Variants in FRMPD4 observed in about 807,000 individuals in gnomAD.
The protein encoded by FRMPD4 is FERM and PDZ domain-containing protein 4.
A neutral mutation model predicts 94.1 loss-of-function variants in FRMPD4; 22 were observed. The ratio of observed to expected loss-of-function variants is 0.23; its 90% CI spans 0.17 to 0.33. FRMPD4 has a LOEUF of 0.33. FRMPD4 is among the 10% of genes least tolerant of loss of function. The pLI is 1.00. For missense variants in FRMPD4, 1,111 were observed against 1,339.9 expected, an observed-to-expected ratio of 0.83 and a Z score of 2.67; for synonymous variants, 631 against 548.6, an observed-to-expected ratio of 1.15 and a Z score of -2.10.
intron 9 of FRMPD4, among the ~76,000 whole-genome samples, chrX:12,695,892 A>T (rs762734692): frequency 1.8e-5 from 2 of 109,483 alleles, no homozygotes; most frequent in Non-Finnish European, 3.8e-5. Context: ...ATGCACCACT[A>T]CTCCAGGCTA....
intron 1 of FRMPD4, among the ~76,000 whole-genome samples, chrX:12,451,389 G>T (rs2057269030): frequency 9.0e-6 from 1 of 111,646 alleles, no homozygotes; most frequent in Non-Finnish European, 1.9e-5. Context: ...TCTTTCATGG[G>T]TTTTCTAATT....
chrX:11,827,592 C>T (rs1413282261), intron 1 of FRMPD4, among the ~76,000 whole-genome samples: 2 of 111,235 alleles, frequency 1.8e-5, no homozygotes, highest in African/African-American at 6.5e-5. Flanking sequence ...TTTGTCTGTT[C>T]GTACTTCCAA....
chrX:12,524,422 C>A (rs956146365), intron 2 of FRMPD4, among the ~76,000 whole-genome samples: 1 of 111,544 alleles, frequency 9.0e-6, no homozygotes, highest in South Asian at 3.8e-4. Flanking sequence ...AAAACAATGG[C>A]CTCCTATAAT....
intron 1 of FRMPD4, among the ~76,000 whole-genome samples, chrX:12,296,718 C>T (rs1346074092): frequency 8.9e-6 from 1 of 112,498 alleles, no homozygotes; most frequent in East Asian, 2.8e-4. Flanking sequence ...AGGGAACTTC[C>T]CTTCGGCTCC....
chrX:12,230,391 A>T (rs1218088085), intron 1 of FRMPD4, among the ~76,000 whole-genome samples: 1 of 111,631 alleles, frequency 9.0e-6, no homozygotes, highest in Non-Finnish European at 1.9e-5. Flanking sequence ...GACCAAATTG[A>T]TAGAGACTGC....
At chrX:12,364,753 C>T (rs1038472836) in intron 1 of FRMPD4, among the ~76,000 whole-genome samples, 3 of 111,181 alleles carry the variant, frequency 2.7e-5, no homozygotes, top group Admixed American at 1.9e-4. Flanking sequence ...TAAATATGCA[C>T]CCCGTCATGT....
At chrX:12,495,932 G>A (rs1271137236) in intron 1 of FRMPD4, among the ~76,000 whole-genome samples, 1 of 110,966 alleles carries the variant, frequency 9.0e-6, no homozygotes, top group African/African-American at 3.3e-5. Flanking sequence ...GCATCACACT[G>A]GAAACCACTG....
intron 1 of FRMPD4, among the ~76,000 whole-genome samples, chrX:12,307,825 C>T (rs777062482): frequency 8.1e-5 from 9 of 111,627 alleles, no homozygotes; most frequent in Non-Finnish European, 1.7e-4. Flanking sequence ...AGACAAATGT[C>T]ACACAGCACA....
chrX:12,312,578 T>C (rs1391750508), intron 1 of FRMPD4, among the ~76,000 whole-genome samples: 1 of 111,222 alleles, frequency 9.0e-6, no homozygotes, highest in Non-Finnish European at 1.9e-5. Context: ...TACTTTCCTG[T>C]TCTTTGTAGA....
At chrX:12,640,216 T>C (rs1602247543) in intron 4 of FRMPD4, among the ~76,000 whole-genome samples, 1 of 101,809 alleles carries the variant, frequency 9.8e-6, no homozygotes, top group African/African-American at 3.7e-5. Context: ...CGAGAATTGC[T>C]TGAACCCAGG....
intron 3 of FRMPD4, among the ~76,000 whole-genome samples, chrX:12,097,705 G>C (rs1395508453): frequency 2.7e-5 from 3 of 112,351 alleles, no homozygotes; most frequent in Non-Finnish European, 5.6e-5. Context: ...TTCTTTCACT[G>C]AGCATAACAT....
Position 12,343,536 on chromosome X carries a change from GAA to G in FRMPD4, c.42-155143_42-155142del, listed in dbSNP as rs754357259. ...GGGATGTCTAGAGGGGAAGAGAAAT[GAA>G]GAGAAGAGAGCTGATGAAAAACCAC... On this transcript the variant is annotated intron_variant, in intron 1 of 16. Transcript: ENST00000675598. Among the ~76,000 whole-genome samples the G allele has an allele frequency of 2.4e-3, 266 of 111,570 alleles. 1 individual carries two copies. Among genetic ancestry groups the G allele is most frequent in the African/African-American group, 8.5e-3 (260 of 30,699 alleles).
At chrX:12,356,130 C>T (rs192990713) in intron 1 of FRMPD4, among the ~76,000 whole-genome samples, 1 of 111,535 alleles carries the variant, frequency 9.0e-6, no homozygotes, top group African/African-American at 3.3e-5. Context: ...ATCTTCCTCA[C>T]ATTCGGAAAA....
At chrX:12,495,584 C>G (rs1016144877) in intron 1 of FRMPD4, among the ~76,000 whole-genome samples, 3 of 111,317 alleles carry the variant, frequency 2.7e-5, no homozygotes, top group African/African-American at 9.8e-5. Flanking sequence ...TTCAGTAGGT[C>G]TTGGGTGGTG....
At chrX:11,910,983 C>T (rs2053994021) in intron 3 of FRMPD4, among the ~76,000 whole-genome samples, 1 of 110,053 alleles carries the variant, frequency 9.1e-6, no homozygotes, top group Middle Eastern at 4.7e-3. Flanking sequence ...GAGAGATTGT[C>T]TATTCTCCTT....
intron 2 of FRMPD4, among the ~76,000 whole-genome samples, chrX:12,524,121 C>T (rs765166756): frequency 1.3e-4 from 14 of 111,960 alleles, no homozygotes; most frequent in South Asian, 3.8e-4. Flanking sequence ...TGCCCCTGCA[C>T]CCCAGCCTGG....
intron 3 of FRMPD4, among the ~76,000 whole-genome samples, chrX:12,069,089 G>GT (rs1245784388): frequency 1.8e-5 from 2 of 111,785 alleles, no homozygotes; most frequent in Non-Finnish European, 3.8e-5. Flanking sequence ...CTCCAATAGC[G>GT]TAACATTTGA....
At chrX:12,628,062 G>A (rs965007773) in intron 4 of FRMPD4, among the ~76,000 whole-genome samples, 2 of 111,180 alleles carry the variant, frequency 1.8e-5, no homozygotes, top group African/African-American at 3.3e-5. Flanking sequence ...TGCCTAGAGA[G>A]AACGGAGAGC....
At chrX:11,872,350 G>A (rs974561160) in intron 2 of FRMPD4, among the ~76,000 whole-genome samples, 4 of 111,952 alleles carry the variant, frequency 3.6e-5, no homozygotes, top group Non-Finnish European at 7.5e-5. Context: ...AAGAGTTTGG[G>A]CGGAACATTT....
Sources: allele counts gnomAD v4.1 joint callset (sites outside exome capture counted in the v4.1 genomes callset), GRCh38; gene constraint gnomAD v4.1.1; transcripts MANE v1.5; gene names NCBI Gene and HGNC (gene_info 2026-07-23, HGNC 2026-07-21).